CTIF: variants seen among roughly 807,000 people sequenced by gnomAD.
The protein encoded by CTIF is cap binding complex dependent translation initiation factor, also known as CBP80/20-dependent translation initiation factor.
CTIF carries 21 observed loss-of-function variants against 66.0 expected under a neutral mutation model. The observed-to-expected ratio is 0.32, with a 90% CI of 0.23 to 0.46. The LOEUF is 0.46. Ranked by LOEUF, CTIF falls within the 20% of genes least tolerant of loss-of-function variation. The pLI is 1.00. For missense variants in CTIF, 739 were observed against 812.7 expected (o/e 0.91, Z 1.10); for synonymous variants, 345 against 326.4 (o/e 1.06, Z -0.62).
intron 6 of CTIF, among the ~76,000 whole-genome samples, chr18:48,695,120 T>C (rs1310281021): frequency 2.6e-5 from 4 of 151,700 alleles, no homozygotes; most frequent in Admixed American, 6.5e-5. Flanking sequence ...AGCACAGAAT[T>C]TGGAAGAAGG....
At chr18:48,569,489 C>A (rs993043822) in intron 1 of CTIF, among the ~76,000 whole-genome samples, 4 of 151,614 alleles carry the variant, frequency 2.6e-5, no homozygotes, top group Non-Finnish European at 4.4e-5. Context: ...AAAAAAAAAA[C>A]TTGGGTTTCA....
At position 48,833,301 on chromosome 18, in the gene CTIF, C is replaced by A. The variant is rs2068735091; in HGVS notation, c.1527+15925C>A. ...GCTGCAGGCGGGAGGCCTCGTGGGG[C>A]CTGGGGAGTGGAAGTGCCCACCAGT... is the stretch of plus-strand genomic sequence containing the variant. On this transcript the variant is annotated intron_variant, in intron 10 of 11. Coordinates refer to ENST00000256413, the MANE Select transcript of CTIF (RefSeq NM_014772.3). Among the ~76,000 whole-genome samples, 3 of 152,142 alleles carry A rather than the reference C, an allele frequency of 2.0e-5. No individual in the cohort carries two copies. In the South Asian group the frequency reaches 6.2e-4, roughly 32 times the overall value.
At chr18:48,605,161 A>T (rs2090180042) in intron 1 of CTIF, among the ~76,000 whole-genome samples, 1 of 152,198 alleles carries the variant, frequency 6.6e-6, no homozygotes, top group Non-Finnish European at 1.5e-5. Context: ...TTGTTGGGTC[A>T]TAAGGTTTAT....
chr18:48,718,888 G>A (rs2092307156), intron 7 of CTIF, among the ~76,000 whole-genome samples: 1 of 152,128 alleles, frequency 6.6e-6, no homozygotes, highest in Non-Finnish European at 1.5e-5. Context: ...AGGCATGAAG[G>A]TGAGCACTCA....
chr18:48,810,757 C>G (rs1378784655), intron 9 of CTIF, among the ~76,000 whole-genome samples: 1 of 150,140 alleles, frequency 6.7e-6, no homozygotes, highest in Non-Finnish European at 1.5e-5. Flanking sequence ...CAGGTATATT[C>G]AAATCTATAC....
chr18:48,553,449 G>A (rs949270194), intron 1 of CTIF, among the ~76,000 whole-genome samples: 3 of 152,182 alleles, frequency 2.0e-5, no homozygotes, highest in African/African-American at 7.2e-5. Context: ...ATGACGGTGA[G>A]GAGCGGGTGA....
At chr18:48,816,125 C>G (rs1483978453) in intron 9 of CTIF, among the ~76,000 whole-genome samples, 1 of 152,140 alleles carries the variant, frequency 6.6e-6, no homozygotes, top group Non-Finnish European at 1.5e-5. Flanking sequence ...TTAGGTGAGG[C>G]CCTGTCGCAT....
chr18:48,779,983 G>T (rs1911059371), intron 9 of CTIF, among the ~76,000 whole-genome samples: 1 of 152,210 alleles, frequency 6.6e-6, no homozygotes, highest in Non-Finnish European at 1.5e-5. Context: ...CGGAGGTCAG[G>T]TGGCAGAGTC....
intron 3 of CTIF, among the ~76,000 whole-genome samples, chr18:48,647,333 G>T (rs1025071576): frequency 6.6e-6 from 1 of 152,242 alleles, no homozygotes; most frequent in African/African-American, 2.4e-5. Context: ...GTGGCTATAA[G>T]GGGCAGCCTT....
intron 2 of CTIF, 101 bp downstream of exon 2, chr18:48,619,846 C>T: frequency 8.2e-7 from 1 of 1,215,730 alleles, no homozygotes. Context: ...CACTAGACCG[C>T]CAAGGCATGA....
At chr18:48,692,315 AAAC>A (rs2091938938) in intron 6 of CTIF, among the ~76,000 whole-genome samples, 2 of 121,812 alleles carry the variant, frequency 1.6e-5, no homozygotes, top group African/African-American at 1.1e-4. Flanking sequence ...ACAAAAACAA[AAAC>A]AAAACAAAAA....
intron 2 of CTIF, 59 bp from the exon 3 acceptor site, chr18:48,636,555 C>A: frequency 3.1e-6 from 4 of 1,297,852 alleles, no homozygotes; most frequent in East Asian, 2.8e-5. Context: ...TGCAGCCTGG[C>A]AGAGTGAGCA....
chr18:48,795,778 G>C lies in CTIF; in HGVS notation c.1372-21443G>C, dbSNP rs112021958. Among the ~76,000 whole-genome samples the C allele has an allele frequency of 1.3e-5, 2 of 152,332 alleles. 1 individual carries two copies. Among genetic ancestry groups the C allele is most frequent in the African/African-American group, 4.8e-5 (2 of 41,574 alleles). On this transcript the variant is annotated intron_variant, in intron 9 of 11. Transcript: ENST00000256413. The stretch of plus-strand genomic sequence containing the variant: ...GAAGAATTTCAGACTATTAGGGGAG[G>C]CCATCTCTCTTGAGGGAGGGTTTAG...
At chr18:48,777,769 C>G (rs1269505690) in intron 9 of CTIF, among the ~76,000 whole-genome samples, 1 of 152,248 alleles carries the variant, frequency 6.6e-6, no homozygotes, top group African/African-American at 2.4e-5. Flanking sequence ...TGGCTGTCAA[C>G]AGGCTTCTCC....
chr18:48,736,118 C>A (rs554156599), intron 7 of CTIF, among the ~76,000 whole-genome samples: 1 of 152,290 alleles, frequency 6.6e-6, no homozygotes, highest in South Asian at 2.1e-4. Flanking sequence ...AGCATTCAGA[C>A]CTCCTCTTCT....
At chr18:48,737,897 T>C (rs7238161) in intron 7 of CTIF, among the ~76,000 whole-genome samples, 105,777 of 152,244 alleles carry the variant, frequency 0.69, 36,951 homozygotes, top group East Asian at 0.84. Flanking sequence ...CCTTTTGCTA[T>C]GCCTGAGAGG....
intron 9 of CTIF, among the ~76,000 whole-genome samples, chr18:48,771,088 C>T (rs1033043627): frequency 2.0e-5 from 3 of 152,180 alleles, no homozygotes; most frequent in African/African-American, 7.2e-5. Flanking sequence ...CCAGGATTGA[C>T]AGGTGTACTC....
At chr18:48,662,380 G>GCAGGCTA (rs1555667001) in intron 3 of CTIF, 2 of 151,746 alleles carry the variant, frequency 1.3e-5, no homozygotes, top group Non-Finnish European at 2.9e-5. Context: ...CCTGCAGGCT[G>GCAGGCTA]TTGGTGCCCA....
chr18:48,634,357 A>G (rs1392758351), intron 2 of CTIF, among the ~76,000 whole-genome samples: 1 of 152,160 alleles, frequency 6.6e-6, no homozygotes, highest in African/African-American at 2.4e-5. Context: ...GACAGCCACA[A>G]TTAATAAATA....
Sources: allele counts gnomAD v4.1 joint callset (sites outside exome capture counted in the v4.1 genomes callset), GRCh38; gene constraint gnomAD v4.1.1; transcripts MANE v1.5; gene names NCBI Gene and HGNC (gene_info 2026-07-23, HGNC 2026-07-21).